STXBP6: variants seen among roughly 807,000 people sequenced by gnomAD.
The protein encoded by STXBP6 is syntaxin binding protein 6.
A neutral mutation model predicts 26.9 loss-of-function variants in STXBP6; 21 were observed. The observed-to-expected ratio is 0.78, with a 90% confidence interval of 0.55 to 1.12. STXBP6 has a LOEUF of 1.12. Ranked by LOEUF, STXBP6 falls within the 50% of genes most tolerant of loss-of-function variation. The probability of loss-of-function intolerance (pLI) is 0.00; values close to 1 mark genes in which losing one functional copy is unlikely to be tolerated. For synonymous variants in STXBP6, 97 were observed against 92.6 expected, an observed-to-expected ratio of 1.05 and a Z score of -0.27; for missense variants, 232 against 257.9, an observed-to-expected ratio of 0.90 and a Z score of 0.69.
At chr14:24,948,186 G>T (rs564668101) in intron 2 of STXBP6, among the ~76,000 whole-genome samples, 1 of 151,958 alleles carries the variant, frequency 6.6e-6, no homozygotes, top group Admixed American at 6.6e-5. Flanking sequence ...TCTACAATTC[G>T]TGAAGATCCA....
chr14:24,844,684 C>T (rs1189636157), intron 4 of STXBP6, among the ~76,000 whole-genome samples: 1 of 152,144 alleles, frequency 6.6e-6, no homozygotes, highest in Non-Finnish European at 1.5e-5. Context: ...ATTACATACC[C>T]TAAGTGATAC....
At chr14:24,912,413 CT>C (rs1469049497) in intron 2 of STXBP6, among the ~76,000 whole-genome samples, 1 of 139,182 alleles carries the variant, frequency 7.2e-6, no homozygotes, top group Non-Finnish European at 1.5e-5. Context: ...GGAAAGGTGG[CT>C]GGGTAAGGTT....
intron 2 of STXBP6, among the ~76,000 whole-genome samples, chr14:24,887,900 A>G (rs912045472): frequency 3.3e-5 from 5 of 152,208 alleles, no homozygotes; most frequent in African/African-American, 1.2e-4. Flanking sequence ...AAATTGCTGC[A>G]TATTTTAGGA....
chr14:24,899,937 T>A (rs1055514725), intron 2 of STXBP6, among the ~76,000 whole-genome samples: 2 of 151,978 alleles, frequency 1.3e-5, no homozygotes, highest in African/African-American at 4.8e-5. Flanking sequence ...AGTGAGAAGG[T>A]CCTTGGATAT....
At chr14:25,015,882 A>G (rs1407033807) in intron 1 of STXBP6, among the ~76,000 whole-genome samples, 1 of 152,112 alleles carries the variant, frequency 6.6e-6, no homozygotes, top group Non-Finnish European at 1.5e-5. Context: ...TGAGGAAAAA[A>G]GTCAAACAAC....
chr14:24,892,131 T>A (rs2139542238), intron 2 of STXBP6, among the ~76,000 whole-genome samples: 1 of 152,312 alleles, frequency 6.6e-6, no homozygotes, highest in Non-Finnish European at 1.5e-5. Context: ...GTAGTGTCTG[T>A]CTTGCTCCCC....
intron 2 of STXBP6, among the ~76,000 whole-genome samples, chr14:24,966,348 G>A (rs1292281497): frequency 6.6e-6 from 1 of 151,092 alleles, no homozygotes; most frequent in Non-Finnish European, 1.5e-5. Flanking sequence ...TTGTTTTTAA[G>A]GGAGGGGAGA....
chr14:24,984,029 C>A (rs552798304), intron 1 of STXBP6, among the ~76,000 whole-genome samples: 1 of 152,228 alleles, frequency 6.6e-6, no homozygotes, highest in African/African-American at 2.4e-5. Context: ...GTCAAGAGAT[C>A]AAGATCATCC....
chr14:24,969,925 G>A (rs1398836745), intron 2 of STXBP6, among the ~76,000 whole-genome samples: 1 of 152,092 alleles, frequency 6.6e-6, no homozygotes, highest in African/African-American at 2.4e-5. Flanking sequence ...TCCCACTAGC[G>A]ACTCTGTAAA....
chr14:25,046,029 T>C (rs2075721932), intron 1 of STXBP6, among the ~76,000 whole-genome samples: 1 of 152,170 alleles, frequency 6.6e-6, no homozygotes, highest in African/African-American at 2.4e-5. Flanking sequence ...TCTAGGAACA[T>C]AGAGAATAAT....
intron 3 of STXBP6, 122 bp from the exon 4 acceptor site, chr14:24,856,223 T>C: frequency 1.0e-6 from 1 of 991,806 alleles, no homozygotes; most frequent in South Asian, 2.1e-5. Context: ...ATAAGGCTCA[T>C]CTTTATCCAA....
At position 25,049,108 on chromosome 14, in the gene STXBP6, G is replaced by A; in HGVS notation, c.-33+770C>T. 1 of 956,910 alleles carries A rather than the reference G, an allele frequency of 1.0e-6. No individual in the cohort carries two copies. Among genetic ancestry groups the A allele is most frequent in the Non-Finnish European group, 1.2e-6 (1 of 803,854 alleles). 59.3% of individuals were successfully genotyped at this position (956,910 alleles called of 1,614,324 possible). On this transcript the variant is annotated intron_variant, in intron 1 of 5. Transcript: ENST00000323944. The surrounding 1 kb of genome is among the most constrained non-coding windows in gnomAD (Gnocchi z 5.6). ...AGATGTCTTTCCAAATTCTCCACCT[G>A]CAGGTCCTGTCCTCTGTGAAGATGA...
At chr14:24,813,901 G>A (rs778572641) in intron 5 of STXBP6, among the ~76,000 whole-genome samples, 77 of 152,076 alleles carry the variant, frequency 5.1e-4, no homozygotes, top group Non-Finnish European at 1.0e-4. Context: ...GCAAAGACAG[G>A]GTCAACACTC....
intron 5 of STXBP6, among the ~76,000 whole-genome samples, chr14:24,815,438 C>A (rs1406114613): frequency 6.7e-6 from 1 of 149,838 alleles, no homozygotes; most frequent in Non-Finnish European, 1.5e-5. Flanking sequence ...ATAATAAAAT[C>A]ATGTATTTTA....
intron 2 of STXBP6, among the ~76,000 whole-genome samples, chr14:24,866,184 A>ACC (rs1247353501): frequency 6.6e-6 from 1 of 151,904 alleles, no homozygotes; most frequent in African/African-American, 2.4e-5. Context: ...CAACAGACTG[A>ACC]CCTCCCCAAG....
chr14:24,829,804 G>A (rs1447628249), intron 4 of STXBP6, among the ~76,000 whole-genome samples: 1 of 152,024 alleles, frequency 6.6e-6, no homozygotes, highest in Non-Finnish European at 1.5e-5. Flanking sequence ...GACCGGCAAG[G>A]GGCCTACGGT....
intron 4 of STXBP6, among the ~76,000 whole-genome samples, chr14:24,842,725 T>C (rs1223664224): frequency 6.6e-6 from 1 of 152,150 alleles, no homozygotes; most frequent in African/African-American, 2.4e-5. Context: ...GACTTTCTTA[T>C]TTACTCACTA....
intron 1 of STXBP6, among the ~76,000 whole-genome samples, chr14:24,975,176 C>T (rs934548839): frequency 6.6e-6 from 1 of 152,218 alleles, no homozygotes; most frequent in African/African-American, 2.4e-5. Context: ...GCAGTACCCA[C>T]TCTATTCCTG....
Position 25,049,843 on chromosome 14 carries a change from C to T in STXBP6, c.-33+35G>A. 1 of 985,650 alleles carries T rather than the reference C, an allele frequency of 1.0e-6. No homozygotes were observed. The highest frequency in any genetic ancestry group is 1.2e-6 in the Non-Finnish European group (1 of 830,180). 61.1% of individuals were successfully genotyped at this position (985,650 alleles called of 1,614,324 possible). On this transcript the variant is annotated intron_variant, in intron 1 of 5. Transcript: ENST00000323944. The surrounding 1 kb of genome is among the most constrained non-coding windows in gnomAD (Gnocchi z 5.6). The stretch of plus-strand genomic sequence containing the variant: ...CCGCATCTCCCGGGCTTGGCCTCCG[C>T]CCTGACCGCCTGGCTCCCCTCGCCC...
Sources: gnomAD v4.1 joint callset for allele counts (sites outside exome capture counted in the v4.1 genomes callset) on GRCh38, gnomAD v4.1.1 for gene constraint, Gnocchi (gnomAD v3.1) non-coding constraint, MANE v1.5 for transcripts, NCBI Gene and HGNC (gene_info 2026-07-23, HGNC 2026-07-21) for gene names.